DLGAP2: variants seen among roughly 807,000 people sequenced by gnomAD.
DLGAP2 encodes the protein DLG associated protein 2.
A neutral mutation model predicts 100.3 loss-of-function variants in DLGAP2; 26 were observed. The ratio of observed to expected loss-of-function variants is 0.26; its 90% CI spans 0.19 to 0.36. The LOEUF (loss-of-function observed/expected upper bound fraction) is 0.36, where lower values mean the gene tolerates loss of function less well. Among genes scored for constraint, DLGAP2 ranks in the 10% least tolerant of loss-of-function variants. The pLI is 1.00. For synonymous variants in DLGAP2, 886 were observed against 630.1 expected (o/e 1.41, Z -6.08); for missense variants, 1,858 against 1,453.2 (o/e 1.28, Z -4.53).
At chr8:1,350,994 C>T (rs1801708853) in intron 3 of DLGAP2, among the ~76,000 whole-genome samples, 2 of 122,954 alleles carry the variant, frequency 1.6e-5, no homozygotes, top group African/African-American at 6.9e-5. Flanking sequence ...GTGGAAAGGC[C>T]GTGCGGGTCC....
intron 2 of DLGAP2, among the ~76,000 whole-genome samples, chr8:1,194,480 C>A (rs73541309): frequency 2.6e-5 from 4 of 152,078 alleles, no homozygotes; most frequent in Non-Finnish European, 5.9e-5. Context: ...TCCCTCAGTC[C>A]CACTTTCCAG....
chr8:1,582,313 TAAAA>T (rs200930388), intron 6 of DLGAP2, among the ~76,000 whole-genome samples: 1 of 96,788 alleles, frequency 1.0e-5, no homozygotes, highest in African/African-American at 3.7e-5. Context: ...GATAAAACCT[TAAAA>T]AAAAAAAAAA....
intron 7 of DLGAP2, among the ~76,000 whole-genome samples, 163 bp from the exon 8 acceptor site, chr8:1,632,664 A>G (rs1248934751): frequency 6.6e-6 from 1 of 152,182 alleles, no homozygotes; most frequent in Non-Finnish European, 1.5e-5. Flanking sequence ...CCAATGCTGT[A>G]TTTCCCAAGC....
At chr8:1,669,535 A>C (rs1798635050) in intron 9 of DLGAP2, among the ~76,000 whole-genome samples, 1 of 152,148 alleles carries the variant, frequency 6.6e-6, no homozygotes, top group East Asian at 1.9e-4. Context: ...TTACCCCTTC[A>C]TTCAGCCTGC....
At chr8:1,316,239 G>C (rs1490871982) in intron 3 of DLGAP2, among the ~76,000 whole-genome samples, 2 of 129,460 alleles carry the variant, frequency 1.5e-5, no homozygotes, top group Non-Finnish European at 3.3e-5. Flanking sequence ...GTCTACACTC[G>C]AGAAACTCGG....
At chr8:946,335 C>G (rs1368487526) in intron 2 of DLGAP2, among the ~76,000 whole-genome samples, 1 of 150,558 alleles carries the variant, frequency 6.6e-6, no homozygotes, top group Non-Finnish European at 1.5e-5. Flanking sequence ...GCGATCTGGG[C>G]TCATTGCAAG....
At chr8:1,346,622 T>C (rs1220406637) in intron 3 of DLGAP2, among the ~76,000 whole-genome samples, 3 of 151,046 alleles carry the variant, frequency 2.0e-5, no homozygotes, top group Admixed American at 6.6e-5. Context: ...GGAGGTTGAG[T>C]TCTGAAACAG....
At chr8:1,083,454 T>C (rs1420102088) in intron 2 of DLGAP2, among the ~76,000 whole-genome samples, 1 of 152,242 alleles carries the variant, frequency 6.6e-6, no homozygotes, top group African/African-American at 2.4e-5. Flanking sequence ...TTTTAACTTT[T>C]ATGACGTTCG....
chr8:788,941 CTCAACCG>C (rs1563433847), intron 1 of DLGAP2, among the ~76,000 whole-genome samples: 1 of 152,186 alleles, frequency 6.6e-6, no homozygotes, highest in East Asian at 1.9e-4. Context: ...TTCCTGTGCC[CTCAACCG>C]TCAACACCAG....
chr8:1,430,457 C>G (rs1340590955), intron 3 of DLGAP2, among the ~76,000 whole-genome samples: 3 of 152,120 alleles, frequency 2.0e-5, no homozygotes, highest in Non-Finnish European at 4.4e-5. Context: ...AGGCAAAGGA[C>G]TTTAAGCTGG....
intron 1 of DLGAP2, among the ~76,000 whole-genome samples, chr8:801,535 A>G (rs1294400178): frequency 6.6e-6 from 1 of 152,200 alleles, no homozygotes; most frequent in African/African-American, 2.4e-5. Context: ...GAATGCTGAA[A>G]GGCTGTGCTG....
chr8:742,516 G>C (rs1820513255), intron 1 of DLGAP2, among the ~76,000 whole-genome samples: 1 of 152,208 alleles, frequency 6.6e-6, no homozygotes, highest in Non-Finnish European at 1.5e-5. Context: ...AGCATTGCAA[G>C]TGGCTTTTTA....
At chr8:1,699,430 C>T (rs1429844868) in intron 14 of DLGAP2, among the ~76,000 whole-genome samples, 3 of 151,382 alleles carry the variant, frequency 2.0e-5, no homozygotes, top group Non-Finnish European at 4.4e-5. Flanking sequence ...ACGGTGAAAC[C>T]CTGTCTCTAT....
intron 4 of DLGAP2, among the ~76,000 whole-genome samples, chr8:1,506,387 T>C (rs931821896): frequency 2.0e-5 from 3 of 152,176 alleles, no homozygotes; most frequent in Admixed American, 6.5e-5. Context: ...ACCTTTTGGG[T>C]GAGTGTCCGG....
In DLGAP2 at chr8:1,487,182, G is replaced by C. The variant is rs148069268; in HGVS notation, c.107-14184G>C. Among the ~76,000 whole-genome samples, 995 of 152,312 alleles carry C rather than the reference G, an allele frequency of 6.5e-3. 12 individuals are homozygous for C. The highest frequency in any genetic ancestry group is 0.023 in the African/African-American group (946 of 41,564). On this transcript the variant is annotated intron_variant, in intron 3 of 14. Coordinates refer to ENST00000637795, the MANE Select transcript of DLGAP2 (RefSeq NM_001346810.2). ...TAAAACAAGAAGAATGATGCCTTAG[G>C]CATGATTGGTCCGTGAATAATAGGA...
chr8:1,417,747 C>T (rs1413363910), intron 3 of DLGAP2, among the ~76,000 whole-genome samples: 1 of 78,214 alleles, frequency 1.3e-5, no homozygotes, highest in Non-Finnish European at 2.6e-5. Context: ...CCACGGAGAC[C>T]TATGAACGGA....
intron 4 of DLGAP2, among the ~76,000 whole-genome samples, chr8:1,513,983 C>T (rs189935664): frequency 1.3e-3 from 197 of 152,342 alleles, no homozygotes; most frequent in Admixed American, 3.4e-3. Context: ...GTACCAGGAG[C>T]TCACACATCC....
chr8:1,214,313 G>C lies in DLGAP2; in HGVS notation c.74-44538G>C, dbSNP rs975009356. On this transcript the variant is annotated intron_variant, in intron 2 of 14. Transcript: ENST00000637795. Reference sequence around the variant, plus strand: ...CCAGGACAAAAGCTCACTACCTGCGGCCCCGCCACTCAGGTGATCGTTTTT... The same window carrying C: ...CCAGGACAAAAGCTCACTACCTGCGCCCCCGCCACTCAGGTGATCGTTTTT... 1.1e-4 allele frequency among the ~76,000 whole-genome samples: 16 copies of C among 152,290 alleles called. 1 individual carries two copies. The highest frequency in any genetic ancestry group is 7.4e-5 in the Non-Finnish European group (5 of 68,024).
Position 1,056,002 on chromosome 8 carries a change from C to T in DLGAP2, c.73+148036C>T, listed in dbSNP as rs533409369. On this transcript the variant is annotated intron_variant, in intron 2 of 14. Coordinates refer to ENST00000637795, the MANE Select transcript of DLGAP2 (RefSeq NM_001346810.2). ...GGGGGTGTTGAGATGCAGGAAGCTG[C>T]TCCTTATGGAGGCAGCTCAGGGAGT... Among the ~76,000 whole-genome samples the T allele has an allele frequency of 3.3e-5, 5 of 152,346 alleles. No individual in the cohort carries two copies. In the South Asian group the frequency reaches 1.0e-3, roughly 32 times the overall value.
Sources: allele counts gnomAD v4.1 joint callset (sites outside exome capture counted in the v4.1 genomes callset), GRCh38; gene constraint gnomAD v4.1.1; transcripts MANE v1.5; gene names NCBI Gene and HGNC (gene_info 2026-07-23, HGNC 2026-07-21).